C4orf51: variants seen among roughly 807,000 people sequenced by gnomAD.
C4orf51 encodes the protein chromosome 4 open reading frame 51, also known as uncharacterized protein C4orf51.
A neutral mutation model predicts 25.2 loss-of-function variants in C4orf51; 25 were observed. The observed-to-expected ratio is 0.99, with a 90% CI of 0.72 to 1.39. The LOEUF is 1.39. Ranked by LOEUF, C4orf51 falls within the 40% of genes most tolerant of loss-of-function variation. C4orf51 has a pLI of 0.00. For missense variants in C4orf51, 252 were observed against 239.6 expected, an observed-to-expected ratio of 1.05 and a Z score of -0.34; for synonymous variants, 100 against 84.5, an observed-to-expected ratio of 1.18 and a Z score of -1.01.
At chr4:145,767,070 A>G (rs58953292) in intron 1 of C4orf51, among the ~76,000 whole-genome samples, 3 of 152,328 alleles carry the variant, frequency 2.0e-5, no homozygotes, top group African/African-American at 7.2e-5. Flanking sequence ...AAAGATAAAC[A>G]CAATTCGAAT....
intron 2 of C4orf51, among the ~76,000 whole-genome samples, chr4:145,704,462 A>G (rs533293837): frequency 6.6e-6 from 1 of 152,304 alleles, no homozygotes; most frequent in South Asian, 2.1e-4. Flanking sequence ...TGGATAAAAT[A>G]TTTTAATTTC....
intron 1 of C4orf51, among the ~76,000 whole-genome samples, chr4:145,683,585 G>C (rs1028434408): frequency 6.6e-6 from 1 of 152,144 alleles, no homozygotes; most frequent in Non-Finnish European, 1.5e-5. Context: ...CCCAGAAATA[G>C]GTACACATAA....
rs1158371040 is a variant in C4orf51 at position 145,752,438 on chromosome 4, C to T, written n.168-1769C>T. 2.6e-5 allele frequency among the ~76,000 whole-genome samples: 4 copies of T among 152,282 alleles called. No individual in the cohort carries two copies. In the South Asian group the frequency reaches 6.2e-4, roughly 24 times the overall value. On this transcript the variant is annotated intron_variant and non_coding_transcript_variant, in intron 1 of 1. Transcript: ENST00000508981. ...TTCTGGCCCAGGATGTGTCTAGAAA[C>T]GTCCGTGAGCTAGGGCCTGGAATCG...
At chr4:145,746,910 T>C (rs551274651) in intron 1 of C4orf51, among the ~76,000 whole-genome samples, 2 of 152,112 alleles carry the variant, frequency 1.3e-5, no homozygotes, top group African/African-American at 2.4e-5. Context: ...ATAATTTTCA[T>C]TGTAGAGATC....
At chr4:145,748,142 T>C (rs1413734065) in intron 1 of C4orf51, among the ~76,000 whole-genome samples, 1 of 152,132 alleles carries the variant, frequency 6.6e-6, no homozygotes, top group African/African-American at 2.4e-5. Context: ...TAGAACTTTA[T>C]CCATTTCTTC....
downstream of C4orf51, among the ~76,000 whole-genome samples, chr4:145,736,813 C>G (rs536607085): frequency 6.6e-6 from 1 of 152,234 alleles, no homozygotes; most frequent in African/African-American, 2.4e-5. Context: ...TGAGAGATTC[C>G]AAGCCCTAAA....
intron 1 of C4orf51, among the ~76,000 whole-genome samples, chr4:145,741,106 G>C (rs1011391395): frequency 1.3e-5 from 2 of 152,154 alleles, no homozygotes; most frequent in Non-Finnish European, 2.9e-5. Context: ...GGGTAACAGA[G>C]ACCAGGGCTC....
intron 1 of C4orf51, among the ~76,000 whole-genome samples, chr4:145,769,360 G>A (rs544127669): frequency 4.6e-5 from 7 of 152,096 alleles, no homozygotes; most frequent in South Asian, 4.2e-4. Context: ...CATTTTTAGC[G>A]GAGACCCTGA....
the C4orf51 span, among the ~76,000 whole-genome samples, chr4:145,783,942 G>A: frequency 1.3e-5 from 2 of 152,164 alleles, no homozygotes; most frequent in Non-Finnish European, 2.9e-5. Context: ...TGGAGTTCTC[G>A]TGAATGGTTT....
downstream of C4orf51, among the ~76,000 whole-genome samples, chr4:145,771,256 TTA>T (rs1296097345): frequency 1.3e-5 from 2 of 152,260 alleles, no homozygotes; most frequent in Non-Finnish European, 2.9e-5. Context: ...GAAGAAATTT[TTA>T]TGTGTCAGAT....
chr4:145,727,873 A>T (rs1344366203), intron 3 of C4orf51, among the ~76,000 whole-genome samples: 1 of 127,970 alleles, frequency 7.8e-6, no homozygotes, highest in Non-Finnish European at 1.6e-5. Flanking sequence ...CAAGAGTGAA[A>T]CTCCACCTAC....
chr4:145,760,931 G>A (rs1271378861), intron 1 of C4orf51: 1 of 1,232,078 alleles, frequency 8.1e-7, no homozygotes, highest in African/African-American at 1.6e-5. Context: ...GGAATGAGAT[G>A]GGCAAAATCT....
Position 145,761,276 on chromosome 4 carries a change from G to A in C4orf51, n.167-9712G>A. On this transcript the variant is annotated intron_variant and non_coding_transcript_variant, in intron 1 of 1. Transcript: ENST00000510096. This position sits in a 1 kb window ranked among gnomAD's most constrained non-coding sequence, Gnocchi z 6.8. ...CACTCTTCGCAGCTGAAGGTCTGGC[G>A]TGGGGCGTGCTTCAGCTTCTTGTGC... The A allele has an allele frequency of 2.3e-6, 3 of 1,289,932 alleles. No individual in the cohort carries two copies. Among genetic ancestry groups the A allele is most frequent in the Non-Finnish European group, 3.0e-6 (3 of 988,894 alleles). 79.9% of individuals were successfully genotyped at this position (1,289,932 alleles called of 1,614,324 possible). A position where few individuals can be genotyped will look rare whatever the true frequency, so the allele number is the denominator to read the frequency against.
At chr4:145,697,838 C>T (rs1316677598) in intron 2 of C4orf51, among the ~76,000 whole-genome samples, 1 of 152,148 alleles carries the variant, frequency 6.6e-6, no homozygotes, top group Non-Finnish European at 1.5e-5. Flanking sequence ...GGTAGCTCTT[C>T]GAGGTCGTGA....
Position 145,699,260 on chromosome 4 carries a change from C to T in C4orf51, c.307+2628C>T, listed in dbSNP as rs555561008. ...AAGCCTGTTTGGTGGTCTCTTCACACGGATGCGCAAGAAATTTGGTGCCGT... is the reference window on the plus strand; with the variant it reads ...AAGCCTGTTTGGTGGTCTCTTCACATGGATGCGCAAGAAATTTGGTGCCGT... On this transcript the variant is annotated intron_variant, in intron 2 of 5. Coordinates refer to ENST00000438731, the MANE Select transcript of C4orf51 (RefSeq NM_001080531.3). Among the ~76,000 whole-genome samples, 55 of 128,600 alleles carry T rather than the reference C, an allele frequency of 4.3e-4. 1 individual carries two copies. In the South Asian group the frequency reaches 5.7e-3, roughly 13 times the overall value. The allele number at this position is 128,600 out of a possible 152,430, so 84.4% of individuals were successfully genotyped here.
At chr4:145,688,251 T>C (rs541300652) in intron 1 of C4orf51, among the ~76,000 whole-genome samples, 110 of 140,476 alleles carry the variant, frequency 7.8e-4, no homozygotes, top group African/African-American at 2.8e-3. Flanking sequence ...ATAGGTCACA[T>C]CTCTGCAAAG....
At chr4:145,733,849 G>C (rs1356354735), downstream of C4orf51, among the ~76,000 whole-genome samples, 1 of 152,156 alleles carries the variant, frequency 6.6e-6, no homozygotes, top group Non-Finnish European at 1.5e-5. Context: ...AGCCCCAGTA[G>C]ACATCCCAGG....
At chr4:145,698,214 C>A (rs1730197668) in intron 2 of C4orf51, among the ~76,000 whole-genome samples, 1 of 152,152 alleles carries the variant, frequency 6.6e-6, no homozygotes, top group African/African-American at 2.4e-5. Context: ...CCAAAAGTAT[C>A]TGAGACAGGT....
intron 1 of C4orf51, among the ~76,000 whole-genome samples, chr4:145,686,469 A>C (rs1195891110): frequency 6.6e-6 from 1 of 152,230 alleles, no homozygotes; most frequent in African/African-American, 2.4e-5. Flanking sequence ...CAGAACTTGT[A>C]GAATGCAGAG....
Sources: allele counts gnomAD v4.1 joint callset (sites outside exome capture counted in the v4.1 genomes callset), GRCh38; gene constraint gnomAD v4.1.1; non-coding constraint Gnocchi (gnomAD v3.1); transcripts MANE v1.5; gene names NCBI Gene and HGNC (gene_info 2026-07-23, HGNC 2026-07-21).